The following TRAPPC9 variants were observed in gnomAD, a reference collection of about 807,000 sequenced individuals.
TRAPPC9 encodes the protein IKK2 binding protein.
Under a neutral mutation model 124.0 loss-of-function variants are expected in TRAPPC9, and 83 were observed. The ratio of observed to expected loss-of-function variants is 0.67; its 90% CI spans 0.56 to 0.80. The LOEUF is 0.80. Ranked by LOEUF, TRAPPC9 falls within the 30% of genes least tolerant of loss-of-function variation. The probability of loss-of-function intolerance (pLI) is 0.00; values close to 1 mark genes in which losing one functional copy is unlikely to be tolerated. For synonymous variants in TRAPPC9, 638 were observed against 617.5 expected, an observed-to-expected ratio of 1.03 and a Z score of -0.49; for missense variants, 1,302 against 1,508.3, an observed-to-expected ratio of 0.86 and a Z score of 2.27.
chr8:140,319,156 T>C (rs1470075103), intron 9 of TRAPPC9, among the ~76,000 whole-genome samples: 1 of 151,540 alleles, frequency 6.6e-6, no homozygotes, highest in Non-Finnish European at 1.5e-5. Flanking sequence ...CTAATGCCCT[T>C]GAAAGTTATT....
At chr8:139,990,094 A>C (rs1837527618) in intron 18 of TRAPPC9, among the ~76,000 whole-genome samples, 1 of 152,178 alleles carries the variant, frequency 6.6e-6, no homozygotes, top group African/African-American at 2.4e-5. Flanking sequence ...TGACTTCAAA[A>C]CATGGCCTTC....
chr8:140,413,527 T>C (rs1394316852), intron 5 of TRAPPC9, among the ~76,000 whole-genome samples: 2 of 150,692 alleles, frequency 1.3e-5, no homozygotes, highest in African/African-American at 4.9e-5. Flanking sequence ...TTTTTTTTTA[T>C]ACTTTAAGTT....
chr8:140,396,927 C>T (rs1167409159), intron 7 of TRAPPC9, among the ~76,000 whole-genome samples: 1 of 151,808 alleles, frequency 6.6e-6, no homozygotes, highest in Non-Finnish European at 1.5e-5. Flanking sequence ...ACAGGACCCA[C>T]CTGCCTCAGC....
intron 19 of TRAPPC9, among the ~76,000 whole-genome samples, chr8:139,910,628 G>A (rs573902269): frequency 2.1e-4 from 32 of 152,238 alleles, no homozygotes; most frequent in African/African-American, 6.7e-4. Flanking sequence ...GCTGGATGGC[G>A]ACTTAAACTC....
chr8:139,745,523 G>C (rs115135206), intron 21 of TRAPPC9, among the ~76,000 whole-genome samples: 1 of 152,238 alleles, frequency 6.6e-6, no homozygotes, highest in Non-Finnish European at 1.5e-5. Flanking sequence ...CGCTCAAAGC[G>C]ATTGGTAGGA....
chr8:140,082,756 G>C (rs1381208601), intron 17 of TRAPPC9, among the ~76,000 whole-genome samples: 1 of 152,056 alleles, frequency 6.6e-6, no homozygotes, highest in Non-Finnish European at 1.5e-5. Context: ...ACATCAAAAT[G>C]GTCTGATTTA....
At position 140,392,410 on chromosome 8, in the gene TRAPPC9, C is replaced by T. The variant is rs555127528; in HGVS notation, c.1134+5210G>A. Among the ~76,000 whole-genome samples, 22 of 152,334 alleles carry T rather than the reference C, an allele frequency of 1.4e-4. No individual in the cohort carries two copies. In the South Asian group the frequency reaches 4.4e-3, roughly 30 times the overall value. On this transcript the variant is annotated intron_variant, in intron 7 of 22. Coordinates refer to ENST00000438773, the MANE Select transcript of TRAPPC9 (RefSeq NM_001160372.4). ...AGCTTATTTTACAGGATTAATACTG[C>T]TAGAGCAGGCCTGACTAGAAAATTC...
intron 6 of TRAPPC9, among the ~76,000 whole-genome samples, chr8:140,404,148 ACTCT>A (rs1396910851): frequency 6.6e-6 from 1 of 152,168 alleles, no homozygotes; most frequent in Non-Finnish European, 1.5e-5. Flanking sequence ...ACATCTTTTC[ACTCT>A]CTATCAGAGG....
chr8:139,951,517 G>A (rs894764297), intron 19 of TRAPPC9, among the ~76,000 whole-genome samples: 3 of 152,182 alleles, frequency 2.0e-5, no homozygotes, highest in East Asian at 1.9e-4. Flanking sequence ...TCTTCTGTTC[G>A]TACCATTAGA....
chr8:140,081,751 G>A (rs951196747), intron 17 of TRAPPC9, among the ~76,000 whole-genome samples: 2 of 152,094 alleles, frequency 1.3e-5, no homozygotes, highest in Non-Finnish European at 2.9e-5. Flanking sequence ...CTTTTGGGGC[G>A]GGGACCAGAA....
intron 17 of TRAPPC9, among the ~76,000 whole-genome samples, chr8:140,139,092 A>G (rs2061345447): frequency 6.6e-6 from 1 of 152,186 alleles, no homozygotes; most frequent in Admixed American, 6.5e-5. Flanking sequence ...AAGAACAGCC[A>G]ACTAAGGATT....
At chr8:139,936,789 T>G (rs1408784741) in intron 19 of TRAPPC9, among the ~76,000 whole-genome samples, 1 of 112,616 alleles carries the variant, frequency 8.9e-6, no homozygotes, top group East Asian at 2.7e-4. Flanking sequence ...ATGGAGAGAG[T>G]GGGGAGTGGG....
At chr8:140,439,312 G>T in intron 2 of TRAPPC9, 115 bp from the exon 3 acceptor site, 1 of 1,187,206 alleles carries the variant, frequency 8.4e-7, no homozygotes, top group Non-Finnish European at 1.2e-6. Flanking sequence ...GGCAACTGTA[G>T]GCTCTATAAT....
intron 9 of TRAPPC9, among the ~76,000 whole-genome samples, chr8:140,358,290 G>GAC (rs2067816345): frequency 6.6e-6 from 1 of 152,120 alleles, no homozygotes; most frequent in African/African-American, 2.4e-5. Context: ...CTCTGCAAGC[G>GAC]CCACTCCTGG....
chr8:139,866,024 G>A (rs1828511227), intron 21 of TRAPPC9, among the ~76,000 whole-genome samples: 1 of 151,450 alleles, frequency 6.6e-6, no homozygotes, highest in African/African-American at 2.4e-5. Context: ...GACATGGGGG[G>A]CCTTCCAGGC....
At chr8:140,333,308 C>T (rs2066945179) in intron 9 of TRAPPC9, among the ~76,000 whole-genome samples, 1 of 152,056 alleles carries the variant, frequency 6.6e-6, no homozygotes, top group African/African-American at 2.4e-5. Flanking sequence ...GCATATATTA[C>T]TTGTATAATA....
chr8:139,731,737 C>A (rs1047738049), intron 22 of TRAPPC9, among the ~76,000 whole-genome samples: 3 of 152,168 alleles, frequency 2.0e-5, no homozygotes, highest in Non-Finnish European at 4.4e-5. Context: ...CCATTCCCTG[C>A]ACATTTTCCT....
chr8:139,880,920 G>A (rs1322212860), intron 21 of TRAPPC9, among the ~76,000 whole-genome samples: 2 of 152,204 alleles, frequency 1.3e-5, no homozygotes, highest in South Asian at 2.1e-4. Context: ...GCTCACTGCC[G>A]GGGCTCCCAC....
intron 4 of TRAPPC9, among the ~76,000 whole-genome samples, chr8:140,430,101 CACG>C (rs1446307617): frequency 6.8e-6 from 1 of 147,404 alleles, no homozygotes; most frequent in Non-Finnish European, 1.5e-5. Context: ...GAGCCGAGAT[CACG>C]ACATTGCACT....
Sources: allele counts gnomAD v4.1 joint callset (sites outside exome capture counted in the v4.1 genomes callset), GRCh38; gene constraint gnomAD v4.1.1; transcripts MANE v1.5; gene names NCBI Gene and HGNC (gene_info 2026-07-23, HGNC 2026-07-21).